The following GLIS3 variants were observed in gnomAD, a reference collection of about 807,000 sequenced individuals.
The protein encoded by GLIS3 is GLIS family zinc finger 3.
A neutral mutation model predicts 78.6 loss-of-function variants in GLIS3; 53 were observed. The ratio of observed to expected loss-of-function variants is 0.67; its 90% CI spans 0.54 to 0.85. The LOEUF (loss-of-function observed/expected upper bound fraction) is 0.85. Ranked by LOEUF, GLIS3 falls within the 40% of genes least tolerant of loss-of-function variation. GLIS3 has a pLI of 0.00. For synonymous variants in GLIS3, 684 were observed against 509.9 expected (o/e 1.34, Z -4.60); for missense variants, 1,703 against 1,231.1 (o/e 1.38, Z -5.74).
At chr9:3,837,122 C>G (rs1310542351) in intron 9 of GLIS3, among the ~76,000 whole-genome samples, 2 of 152,168 alleles carry the variant, frequency 1.3e-5, no homozygotes, top group Non-Finnish European at 2.9e-5. Flanking sequence ...TCCATTGTAA[C>G]CAAAGGCACT....
At chr9:4,102,688 T>C (rs573498763) in intron 4 of GLIS3, among the ~76,000 whole-genome samples, 2 of 152,176 alleles carry the variant, frequency 1.3e-5, no homozygotes, top group Admixed American at 1.3e-4. Context: ...GGATAGTATA[T>C]CTTACTAGAG....
chr9:3,879,922 A>G (rs949988644), intron 7 of GLIS3, among the ~76,000 whole-genome samples: 1 of 152,152 alleles, frequency 6.6e-6, no homozygotes, highest in East Asian at 1.9e-4. Context: ...TCTCTGTATT[A>G]GCACTTTTCA....
At chr9:4,154,552 T>C (rs1398548134) in intron 2 of GLIS3, among the ~76,000 whole-genome samples, 3 of 152,086 alleles carry the variant, frequency 2.0e-5, no homozygotes, top group East Asian at 3.8e-4. Context: ...AGGAAACATA[T>C]TAACATTCTA....
At chr9:4,321,335 T>C (rs71490229) in intron 2 of GLIS3, among the ~76,000 whole-genome samples, 2 of 123,186 alleles carry the variant, frequency 1.6e-5, no homozygotes, top group Non-Finnish European at 3.1e-5. Context: ...GGCAGGAGAA[T>C]GGCGTGAACC....
At chr9:4,018,298 C>G (rs1822601791) in intron 4 of GLIS3, among the ~76,000 whole-genome samples, 1 of 152,196 alleles carries the variant, frequency 6.6e-6, no homozygotes, top group South Asian at 2.1e-4. Flanking sequence ...CTTCTTTATC[C>G]TCTCTCCTTG....
intron 9 of GLIS3, among the ~76,000 whole-genome samples, chr9:3,842,138 C>T (rs1027472907): frequency 6.6e-6 from 1 of 152,130 alleles, no homozygotes; most frequent in African/African-American, 2.4e-5. Context: ...CTTCAGCCTC[C>T]CCTGAAATCT....
At chr9:4,196,565 A>G (rs141106742) in intron 2 of GLIS3, among the ~76,000 whole-genome samples, 1 of 152,326 alleles carries the variant, frequency 6.6e-6, no homozygotes, top group East Asian at 1.9e-4. Flanking sequence ...AGAGGAATGA[A>G]CAACTCCAGA....
rs140068993 is a variant in GLIS3 at position 3,894,193 on chromosome 9, A to G, written c.2128+4498T>C. 2.9e-4 allele frequency among the ~76,000 whole-genome samples: 44 copies of G among 152,340 alleles called. No individual in the cohort carries two copies. The East Asian group carries it at 8.5e-3, about 29-fold the overall frequency. ...ATTCCAAACAAAGCAGTGCTTTTGAAGTTAATGCAAGTAATAACTATGCAT... is the reference window on the plus strand; with the variant it reads ...ATTCCAAACAAAGCAGTGCTTTTGAGGTTAATGCAAGTAATAACTATGCAT... On this transcript the variant is annotated intron_variant, in intron 7 of 10. Transcript: ENST00000381971.
the GLIS3 span, among the ~76,000 whole-genome samples, chr9:4,440,335 T>G: frequency 3.4e-3 from 525 of 152,350 alleles, 4 homozygotes; most frequent in African/African-American, 0.012. Flanking sequence ...GTCTTAGACT[T>G]AAGTCTGTAA....
chr9:4,367,652 A>G, the GLIS3 span, among the ~76,000 whole-genome samples: 1 of 151,332 alleles, frequency 6.6e-6, no homozygotes, highest in Admixed American at 6.6e-5. Flanking sequence ...AAAAAAAAAA[A>G]AAAAAAGTTC....
chr9:4,416,306 TG>T, the GLIS3 span, among the ~76,000 whole-genome samples: 1 of 137,796 alleles, frequency 7.3e-6, no homozygotes, highest in Non-Finnish European at 1.6e-5. Context: ...TAATATTCAA[TG>T]GAAAAAATTA....
chr9:4,023,715 C>T (rs536789622), intron 4 of GLIS3, among the ~76,000 whole-genome samples: 1 of 152,276 alleles, frequency 6.6e-6, no homozygotes, highest in Admixed American at 6.5e-5. Context: ...AGGTCAGAGA[C>T]CAGCAAGAAT....
At chr9:3,919,540 T>A (rs1178695718) in intron 6 of GLIS3, among the ~76,000 whole-genome samples, 2 of 151,656 alleles carry the variant, frequency 1.3e-5, no homozygotes, top group Non-Finnish European at 2.9e-5. Context: ...GTAGTATGCT[T>A]AATACCCGGG....
At chr9:4,347,619 T>A (rs1307013735) in intron 1 of GLIS3, among the ~76,000 whole-genome samples, 2 of 152,332 alleles carry the variant, frequency 1.3e-5, no homozygotes, top group South Asian at 4.1e-4. Context: ...TTGACTCACA[T>A]AACTCACTAA....
intron 2 of GLIS3, among the ~76,000 whole-genome samples, chr9:4,171,561 G>C (rs766353455): frequency 1.3e-5 from 2 of 152,166 alleles, no homozygotes; most frequent in African/African-American, 2.4e-5. Context: ...CTTGCTGGTT[G>C]ATTTCGTTAA....
At chr9:4,484,628 G>T in the GLIS3 span, among the ~76,000 whole-genome samples, 1 of 151,836 alleles carries the variant, frequency 6.6e-6, no homozygotes, top group African/African-American at 2.4e-5. Context: ...TGTTGGCCAG[G>T]CTAGGCTCGA....
the GLIS3 span, among the ~76,000 whole-genome samples, chr9:4,362,162 T>G: frequency 6.6e-6 from 1 of 152,214 alleles, no homozygotes; most frequent in Admixed American, 6.5e-5. Context: ...GACTGGCCAT[T>G]GTGTCTCAAA....
chr9:3,946,006 T>G (rs1816272694), intron 4 of GLIS3, among the ~76,000 whole-genome samples: 1 of 152,198 alleles, frequency 6.6e-6, no homozygotes, highest in African/African-American at 2.4e-5. Context: ...AGCAGCACGT[T>G]GCTTTTTGCC....
the GLIS3 span, among the ~76,000 whole-genome samples, chr9:4,441,763 A>G: frequency 5.3e-5 from 8 of 151,930 alleles, no homozygotes; most frequent in Non-Finnish European, 1.0e-4. Flanking sequence ...CTCACCATCA[A>G]ACCCAGCTCA....
Sources: allele counts gnomAD v4.1 joint callset (sites outside exome capture counted in the v4.1 genomes callset), GRCh38; gene constraint gnomAD v4.1.1; transcripts MANE v1.5; gene names NCBI Gene and HGNC (gene_info 2026-07-23, HGNC 2026-07-21).